Variants in CACNA2D3 observed in about 807,000 individuals in gnomAD.
The protein encoded by CACNA2D3 is calcium voltage-gated channel auxiliary subunit alpha2delta 3.
In CACNA2D3, 60 loss-of-function variants were observed where a neutral mutation model predicts 160.6. The ratio of observed to expected loss-of-function variants is 0.37; its 90% confidence interval spans 0.30 to 0.46. CACNA2D3 has a LOEUF of 0.46. CACNA2D3 is among the 20% of genes least tolerant of loss of function. The pLI is 1.00. For synonymous variants in CACNA2D3, 558 were observed against 492.9 expected (o/e 1.13, Z -1.75); for missense variants, 1,205 against 1,365.0 (o/e 0.88, Z 1.85).
intron 11 of CACNA2D3, among the ~76,000 whole-genome samples, chr3:54,686,798 T>C (rs1041272092): frequency 1.3e-5 from 2 of 152,154 alleles, no homozygotes. Flanking sequence ...ACAAGTATTA[T>C]GGAAAAATTA....
At chr3:54,955,232 A>G (rs888342956) in intron 27 of CACNA2D3, among the ~76,000 whole-genome samples, 10 of 152,180 alleles carry the variant, frequency 6.6e-5, no homozygotes, top group Non-Finnish European at 1.0e-4. Flanking sequence ...GGAGACGGGC[A>G]GACATTAGGG....
chr3:54,240,983 C>A (rs1318620285), intron 2 of CACNA2D3, among the ~76,000 whole-genome samples: 1 of 152,058 alleles, frequency 6.6e-6, no homozygotes, highest in Admixed American at 6.6e-5. Flanking sequence ...TCAAGTGATC[C>A]ACTCACCTCA....
chr3:54,310,459 T>C (rs912857294), intron 2 of CACNA2D3, among the ~76,000 whole-genome samples: 4 of 152,208 alleles, frequency 2.6e-5, no homozygotes, highest in African/African-American at 9.6e-5. Context: ...GCAACATCTT[T>C]AGTAACATAT....
At chr3:54,838,139 C>G (rs1009474524) in intron 15 of CACNA2D3, among the ~76,000 whole-genome samples, 2 of 152,190 alleles carry the variant, frequency 1.3e-5, no homozygotes, top group African/African-American at 4.8e-5. Context: ...TATTTAGACT[C>G]TCTCTCCTGG....
intron 27 of CACNA2D3, among the ~76,000 whole-genome samples, chr3:54,906,385 G>C (rs945341210): frequency 6.6e-6 from 1 of 152,180 alleles, no homozygotes; most frequent in Non-Finnish European, 1.5e-5. Context: ...ATGTGGTGGG[G>C]CAATGCCTTT....
chr3:54,488,077 TAAATGCAAACATTCTG>T (rs1294558403), intron 4 of CACNA2D3, among the ~76,000 whole-genome samples: 4 of 152,200 alleles, frequency 2.6e-5, no homozygotes, highest in African/African-American at 7.2e-5. Flanking sequence ...GGATGAACAG[TAAATGCAAACATTCTG>T]AAATGGTAAT....
At chr3:54,530,002 C>A (rs1292142309) in intron 5 of CACNA2D3, among the ~76,000 whole-genome samples, 1 of 152,122 alleles carries the variant, frequency 6.6e-6, no homozygotes, top group Non-Finnish European at 1.5e-5. Flanking sequence ...CCATTGTAGA[C>A]CCAGTCCTTC....
chr3:54,584,448 A>T (rs907120435), intron 9 of CACNA2D3, among the ~76,000 whole-genome samples: 1 of 152,208 alleles, frequency 6.6e-6, no homozygotes, highest in Admixed American at 6.5e-5. Flanking sequence ...AAATCAGTGA[A>T]TTTCAGGACA....
chr3:54,645,424 G>A (rs1336043453), intron 11 of CACNA2D3, among the ~76,000 whole-genome samples: 1 of 152,160 alleles, frequency 6.6e-6, no homozygotes, highest in Non-Finnish European at 1.5e-5. Context: ...CTCATAATAG[G>A]TTACACCTGG....
At chr3:54,463,100 G>A (rs1450686628) in intron 4 of CACNA2D3, among the ~76,000 whole-genome samples, 2 of 151,680 alleles carry the variant, frequency 1.3e-5, no homozygotes, top group Non-Finnish European at 2.9e-5. Context: ...GTTGAATATT[G>A]GCCCCCACTC....
chr3:54,315,935 T>C (rs978424814), intron 2 of CACNA2D3, among the ~76,000 whole-genome samples: 1 of 152,214 alleles, frequency 6.6e-6, no homozygotes, highest in Non-Finnish European at 1.5e-5. Flanking sequence ...AACTTATATA[T>C]ATTTTTGAAT....
intron 5 of CACNA2D3, among the ~76,000 whole-genome samples, chr3:54,536,800 A>G (rs1701896381): frequency 6.6e-6 from 1 of 152,212 alleles, no homozygotes; most frequent in African/African-American, 2.4e-5. Context: ...CTCTGATAGA[A>G]TAGCTGAAGC....
intron 2 of CACNA2D3, among the ~76,000 whole-genome samples, chr3:54,288,400 A>G (rs1703090852): frequency 6.6e-6 from 1 of 152,228 alleles, no homozygotes; most frequent in Non-Finnish European, 1.5e-5. Flanking sequence ...GAATAGACCA[A>G]TAACAGGATC....
chr3:54,651,425 GAAAAA>G (rs34876732), intron 11 of CACNA2D3, among the ~76,000 whole-genome samples: 3 of 135,052 alleles, frequency 2.2e-5, no homozygotes, highest in Non-Finnish European at 3.1e-5. Flanking sequence ...GTTATCTCGA[GAAAAA>G]AAAAAAAAAA....
intron 27 of CACNA2D3, among the ~76,000 whole-genome samples, chr3:54,932,996 A>G (rs1311383090): frequency 6.6e-6 from 1 of 152,126 alleles, no homozygotes; most frequent in Non-Finnish European, 1.5e-5. Context: ...CCAGGTACAC[A>G]GTTTATACAG....
chr3:54,891,837 G>A (rs1559619355), intron 25 of CACNA2D3, among the ~76,000 whole-genome samples: 1 of 152,216 alleles, frequency 6.6e-6, no homozygotes, highest in Non-Finnish European at 1.5e-5. Flanking sequence ...AGGAATTCCT[G>A]CCTGTACAAA....
intron 5 of CACNA2D3, among the ~76,000 whole-genome samples, chr3:54,527,896 G>T (rs1701750074): frequency 6.6e-6 from 1 of 152,154 alleles, no homozygotes; most frequent in Non-Finnish European, 1.5e-5. Flanking sequence ...GGGGTTTCTT[G>T]AATAAATGTT....
At chr3:54,961,040 T>C (rs1702020033) in intron 27 of CACNA2D3, among the ~76,000 whole-genome samples, 1 of 152,214 alleles carries the variant, frequency 6.6e-6, no homozygotes, top group South Asian at 2.1e-4. Flanking sequence ...TCGTTGTTAG[T>C]TCTACTTGCA....
Position 54,136,445 on chromosome 3 carries a change from T to TA in CACNA2D3, c.204+12854dup, listed in dbSNP as rs1699817444. Among the ~76,000 whole-genome samples, 3 of 152,372 alleles carry TA rather than the reference T, an allele frequency of 2.0e-5. No homozygotes were observed. The East Asian group carries it at 5.8e-4, about 29-fold the overall frequency. On this transcript the variant is annotated intron_variant, in intron 2 of 37. Coordinates refer to ENST00000474759, the MANE Select transcript of CACNA2D3 (RefSeq NM_018398.3). ...TCCCAAGCATACATTTGCCTTTGTC[T>TA]AAATGTTGGACATCCTTTTCTTTCT...
Sources: gnomAD v4.1 joint callset for allele counts (sites outside exome capture counted in the v4.1 genomes callset) on GRCh38, gnomAD v4.1.1 for gene constraint, MANE v1.5 for transcripts, NCBI Gene and HGNC (gene_info 2026-07-23, HGNC 2026-07-21) for gene names.